The following MICU2 variants were observed in gnomAD, a reference collection of about 807,000 sequenced individuals.
MICU2 encodes mitochondrial calcium uptake 2.
In MICU2, 64 loss-of-function variants were observed where a neutral mutation model predicts 60.4. The observed-to-expected ratio is 1.06, with a 90% CI of 0.87 to 1.31. The LOEUF (loss-of-function observed/expected upper bound fraction) is 1.31. Among genes scored for constraint, MICU2 ranks in the 50% most tolerant of loss-of-function variants. MICU2 has a pLI of 0.00. For synonymous variants in MICU2, 201 were observed against 175.0 expected, an observed-to-expected ratio of 1.15 and a Z score of -1.17; for missense variants, 569 against 531.0, an observed-to-expected ratio of 1.07 and a Z score of -0.70.
chr13:21,589,264 T>C (rs1159240126), intron 1 of MICU2, among the ~76,000 whole-genome samples: 1 of 152,176 alleles, frequency 6.6e-6, no homozygotes, highest in Non-Finnish European at 1.5e-5. Flanking sequence ...AAAGGAATAA[T>C]AGCCTCAATT....
chr13:21,517,799 A>ACACACACACACGCG (rs1244489287), intron 6 of MICU2, among the ~76,000 whole-genome samples: 12 of 136,330 alleles, frequency 8.8e-5, no homozygotes, highest in African/African-American at 3.4e-4. Context: ...ACACACACAC[A>ACACACACACACGCG]CGCGCGCGCG....
chr13:21,500,935 G>C (rs1185555944), intron 9 of MICU2, among the ~76,000 whole-genome samples: 2 of 152,046 alleles, frequency 1.3e-5, no homozygotes, highest in African/African-American at 2.4e-5. Flanking sequence ...AACCTAAGAT[G>C]AAACATTGTT....
intron 8 of MICU2, 33 bp downstream of exon 8, chr13:21,509,971 T>G: frequency 7.9e-7 from 1 of 1,261,562 alleles, no homozygotes; most frequent in African/African-American, 1.6e-5. Context: ...ACCCATAAAA[T>G]TTCCCTAAAT....
chr13:21,540,996 A>AT lies in MICU2; in HGVS notation c.359-1309_359-1308insA, dbSNP rs1462859620. 2.0e-5 allele frequency among the ~76,000 whole-genome samples: 3 copies of AT among 152,152 alleles called. No individual in the cohort carries two copies. The East Asian group carries it at 5.8e-4, about 29-fold the overall frequency. On this transcript the variant is annotated intron_variant, in intron 2 of 11. Transcript: ENST00000382374. ...ATGCTTGTCCTAAAGTTACGCCACA[A>AT]ATAGTCATTACCATGTACCCTTTTA... is the stretch of plus-strand genomic sequence containing the variant.
chr13:21,495,437 A>G (rs1483525563), intron 10 of MICU2, 119 bp from the exon 11 acceptor site: 2 of 978,458 alleles, frequency 2.0e-6, no homozygotes, highest in Non-Finnish European at 2.8e-6. Flanking sequence ...TTGGGAAGTA[A>G]AACAAAAACA....
intron 4 of MICU2, chr13:21,531,164 C>A: frequency 2.2e-6 from 2 of 925,528 alleles, no homozygotes; most frequent in Non-Finnish European, 3.6e-6. Flanking sequence ...TAGAAAACCA[C>A]TGTGACAAAA....
In MICU2 at chr13:21,604,065, A is replaced by T. The variant is rs767143825; in HGVS notation, c.84T>A (p.Ala28=). 6.2e-7 allele frequency: 1 copy of T among 1,602,968 alleles called. No homozygotes were observed. The highest frequency in any genetic ancestry group is 8.5e-7 in the Non-Finnish European group (1 of 1,175,996). ...CTGCCAAGGGGCCGGGACTCCGCACAGCCTGTCGGCTGACAGCGAGCCCCC... is the reference window on the plus strand; with the variant it reads ...CTGCCAAGGGGCCGGGACTCCGCACTGCCTGTCGGCTGACAGCGAGCCCCC... ...LRRGLAVSRQ[A]VRSPGPLAAA... is the part of the protein sequence containing the mutation. The change falls in exon 1 of 12, where the codon GCT becomes GCA. Residue 28 remains alanine, a synonymous_variant. Coordinates refer to ENST00000382374, the MANE Select transcript of MICU2 (RefSeq NM_152726.3).
chr13:21,569,840 T>TA (rs1460785336), intron 1 of MICU2, among the ~76,000 whole-genome samples: 1 of 151,472 alleles, frequency 6.6e-6, no homozygotes, highest in African/African-American at 2.4e-5. Context: ...ACAAAACACT[T>TA]ACGGCTTGTG....
At chr13:21,585,603 G>T (rs1300723485) in intron 1 of MICU2, among the ~76,000 whole-genome samples, 2 of 152,082 alleles carry the variant, frequency 1.3e-5, no homozygotes, top group Non-Finnish European at 2.9e-5. Context: ...AGAAAACAAT[G>T]CCAATTTAAT....
At chr13:21,529,987 G>C (rs183157310) in intron 4 of MICU2, among the ~76,000 whole-genome samples, 25 of 152,264 alleles carry the variant, frequency 1.6e-4, no homozygotes, top group Admixed American at 7.2e-4. Context: ...GTTAAGGGTG[G>C]CCAGCATTTG....
chr13:21,539,251 T>C (rs771431202), intron 4 of MICU2, 51 bp downstream of exon 4: 2 of 1,461,348 alleles, frequency 1.4e-6, no homozygotes, highest in Non-Finnish European at 1.9e-6. Flanking sequence ...TTAATAATAC[T>C]TCAGTTAAAT....
rs111709965 is a variant in MICU2 at position 21,539,124 on chromosome 13, T to C, written c.466+178A>G. On this transcript the variant is annotated intron_variant, in intron 4 of 11. Coordinates refer to ENST00000382374, the MANE Select transcript of MICU2 (RefSeq NM_152726.3). Reference sequence around the variant, plus strand: ...CCTCATACCCTCATCCATTAAAACATTGATGTTTTAATAATTTATCTGTAA... The same window carrying C: ...CCTCATACCCTCATCCATTAAAACACTGATGTTTTAATAATTTATCTGTAA... Among the ~76,000 whole-genome samples the C allele has an allele frequency of 6.1e-3, 924 of 152,282 alleles. 10 individuals are homozygous for C. The highest frequency in any genetic ancestry group is 0.021 in the African/African-American group (880 of 41,558).
chr13:21,520,915 T>A (rs1886702355), intron 6 of MICU2, among the ~76,000 whole-genome samples: 1 of 152,098 alleles, frequency 6.6e-6, no homozygotes, highest in Non-Finnish European at 1.5e-5. Flanking sequence ...TAATTTTTAG[T>A]ATAATTTTAG....
chr13:21,577,383 G>T (rs1004671916), intron 1 of MICU2, among the ~76,000 whole-genome samples: 1 of 151,844 alleles, frequency 6.6e-6, no homozygotes, highest in African/African-American at 2.4e-5. Context: ...GGCTGAGCTT[G>T]GTGGCTCATG....
chr13:21,503,168 C>A (rs575134900), intron 8 of MICU2, 71 bp from the exon 9 acceptor site: 8 of 1,130,518 alleles, frequency 7.1e-6, no homozygotes, highest in Non-Finnish European at 8.8e-6. Context: ...AATGGGTCTG[C>A]AAAGTACCTT....
intron 1 of MICU2, 91 bp downstream of exon 1, chr13:21,603,848 A>G: frequency 7.2e-7 from 1 of 1,389,460 alleles, no homozygotes; most frequent in Non-Finnish European, 9.8e-7. Context: ...CGGCTCCGGG[A>G]GAGCCGCCCA....
chr13:21,567,233 G>A (rs1227862869), intron 1 of MICU2, among the ~76,000 whole-genome samples: 3 of 152,160 alleles, frequency 2.0e-5, no homozygotes, highest in Admixed American at 2.0e-4. Flanking sequence ...TATAAAGCAG[G>A]ATAAGAAAGG....
chr13:21,587,295 A>G (rs1888480738), intron 1 of MICU2, among the ~76,000 whole-genome samples: 1 of 152,228 alleles, frequency 6.6e-6, no homozygotes, highest in South Asian at 2.1e-4. Flanking sequence ...GAAGCCACAA[A>G]ATTATCTCCC....
intron 1 of MICU2, among the ~76,000 whole-genome samples, chr13:21,591,137 C>T (rs566920521): frequency 3.9e-4 from 59 of 150,694 alleles, no homozygotes; most frequent in African/African-American, 1.3e-3. Context: ...ATTTAGGAGA[C>T]GTGCAAAAAC....
Sources: gnomAD v4.1 joint callset for allele counts (sites outside exome capture counted in the v4.1 genomes callset) on GRCh38, gnomAD v4.1.1 for gene constraint, MANE v1.5 for transcripts, NCBI Gene and HGNC (gene_info 2026-07-23, HGNC 2026-07-21) for gene names.